BLK: variants seen among roughly 807,000 people sequenced by gnomAD.
BLK encodes the protein tyrosine-protein kinase Blk.
BLK carries 64 observed loss-of-function variants against 61.8 expected under a neutral mutation model. The observed-to-expected ratio is 1.03, with a 90% CI of 0.85 to 1.27. The LOEUF (loss-of-function observed/expected upper bound fraction) is 1.27, where lower values mean the gene tolerates loss of function less well. Ranked by LOEUF, BLK falls within the 50% of genes most tolerant of loss-of-function variation. The pLI, the probability that BLK is intolerant of heterozygous loss-of-function variation, is 0.00. For synonymous variants in BLK, 351 were observed against 272.0 expected, an observed-to-expected ratio of 1.29 and a Z score of -2.86; for missense variants, 853 against 660.5, an observed-to-expected ratio of 1.29 and a Z score of -3.19.
intron 1 of BLK, among the ~76,000 whole-genome samples, chr8:11,500,872 C>A (rs1316487774): frequency 6.6e-6 from 1 of 152,092 alleles, no homozygotes; most frequent in Admixed American, 6.5e-5. Flanking sequence ...TTATTCCTGC[C>A]ATTTCTGTGG....
intron 7 of BLK, 143 bp from the exon 8 acceptor site, chr8:11,555,189 G>A (rs1173600242): frequency 8.8e-7 from 1 of 1,142,434 alleles, no homozygotes; most frequent in East Asian, 2.4e-5. Context: ...TTGAGTGTGT[G>A]TGCATGTGCA....
chr8:11,560,469 G>C, intron 10 of BLK: 1 of 240,834 alleles, frequency 4.2e-6, no homozygotes, highest in Non-Finnish European at 8.2e-6. Flanking sequence ...AGGAGAAGTG[G>C]AATCAATTCT....
intron 1 of BLK, among the ~76,000 whole-genome samples, chr8:11,539,805 A>C (rs891945916): frequency 6.6e-6 from 1 of 152,204 alleles, no homozygotes; most frequent in African/African-American, 2.4e-5. Flanking sequence ...ATGAAACAAT[A>C]ATTATAACAA....
At chr8:11,537,032 T>C (rs1800161073) in intron 1 of BLK, among the ~76,000 whole-genome samples, 1 of 152,194 alleles carries the variant, frequency 6.6e-6, no homozygotes, top group South Asian at 2.1e-4. Flanking sequence ...GCTGAATGAA[T>C]AGAAGAACCT....
chr8:11,500,766 G>T (rs1205863484), intron 1 of BLK, among the ~76,000 whole-genome samples: 3 of 152,138 alleles, frequency 2.0e-5, no homozygotes, highest in African/African-American at 7.2e-5. Flanking sequence ...GCCTGCCTCA[G>T]CCTCCCAAAG....
At chr8:11,535,302 A>AAGAT (rs1413981377) in intron 1 of BLK, among the ~76,000 whole-genome samples, 1 of 146,686 alleles carries the variant, frequency 6.8e-6, no homozygotes, top group Non-Finnish European at 1.5e-5. Flanking sequence ...GAAAGAAAGA[A>AAGAT]AGAAAGAAAG....
chr8:11,516,017 T>C (rs1415930751), intron 1 of BLK, among the ~76,000 whole-genome samples: 1 of 152,266 alleles, frequency 6.6e-6, no homozygotes, highest in Middle Eastern at 3.4e-3. Flanking sequence ...GGAACAAAAG[T>C]TCATGCCCAG....
chr8:11,561,288 GC>G lies in BLK; in HGVS notation c.1030-12del. The G allele has an allele frequency of 1.2e-6, 2 of 1,611,654 alleles. No individual in the cohort carries two copies. The highest frequency in any genetic ancestry group is 1.7e-6 in the Non-Finnish European group (2 of 1,178,884). On this transcript the variant is annotated splice_polypyrimidine_tract_variant and intron_variant, in intron 10 of 12. Transcript: ENST00000259089. ...GCCCCCAGGCTGTCCTTCACCATGT[GC>G]CTGTTCCCTCAGATTGCTGAAGGGA...
chr8:11,515,358 G>C (rs1322907324), intron 1 of BLK, among the ~76,000 whole-genome samples: 1 of 152,146 alleles, frequency 6.6e-6, no homozygotes, highest in East Asian at 1.9e-4. Context: ...CGGCCTCCTG[G>C]GATGCTTTGA....
chr8:11,517,101 G>C (rs1170554676), intron 1 of BLK, among the ~76,000 whole-genome samples: 1 of 152,198 alleles, frequency 6.6e-6, no homozygotes, highest in African/African-American at 2.4e-5. Flanking sequence ...GTCACAGTGG[G>C]CTGCCTTTGG....
At chr8:11,515,580 C>G (rs1177593966) in intron 1 of BLK, among the ~76,000 whole-genome samples, 1 of 152,206 alleles carries the variant, frequency 6.6e-6, no homozygotes, top group Non-Finnish European at 1.5e-5. Flanking sequence ...GGATGCCTGC[C>G]TCTATTTCCC....
At chr8:11,528,021 G>T (rs1477745703) in intron 1 of BLK, among the ~76,000 whole-genome samples, 2 of 151,992 alleles carry the variant, frequency 1.3e-5, no homozygotes, top group African/African-American at 4.8e-5. Flanking sequence ...GGTTAGTTTT[G>T]GGGAGGGACT....
At chr8:11,539,068 T>C (rs1027345608) in intron 1 of BLK, among the ~76,000 whole-genome samples, 4 of 151,946 alleles carry the variant, frequency 2.6e-5, no homozygotes, top group African/African-American at 9.7e-5. Flanking sequence ...GTTTTTTAAG[T>C]CCGCTGGTTT....
intron 8 of BLK, 73 bp from the exon 9 acceptor site, chr8:11,556,585 G>C: frequency 6.3e-7 from 1 of 1,595,436 alleles, no homozygotes; most frequent in Non-Finnish European, 8.6e-7. Context: ...CACTTACCCC[G>C]ATTTTGGTTA....
intron 2 of BLK, among the ~76,000 whole-genome samples, chr8:11,544,499 T>C (rs73663159): frequency 0.042 from 6,463 of 152,282 alleles, 344 homozygotes; most frequent in African/African-American, 0.12. Flanking sequence ...TTAGCGCCAG[T>C]CTCAGCGCAC....
chr8:11,555,725 C>T (rs372042909), intron 8 of BLK: 27 of 622,608 alleles, frequency 4.3e-5, no homozygotes, highest in East Asian at 4.0e-4. Context: ...CACCCAGCCC[C>T]GAAGTCGCTC....
intron 10 of BLK, chr8:11,558,970 A>C (rs1329594596): frequency 2.2e-6 from 1 of 456,248 alleles, no homozygotes; most frequent in East Asian, 7.0e-5. Context: ...AGGTGGGCAG[A>C]CAGCCATCTG....
At chr8:11,557,129 G>T (rs886802114) in intron 9 of BLK, among the ~76,000 whole-genome samples, 2 of 152,148 alleles carry the variant, frequency 1.3e-5, no homozygotes, top group Non-Finnish European at 2.9e-5. Flanking sequence ...CTGCTGGGAG[G>T]GACAGAGCAT....
rs751751964 is a variant in BLK, at chr8:11,561,323, A to G, written c.1051A>G (p.Ile351Val). The change falls in exon 11 of 13, where the codon ATT (isoleucine) becomes GTT (valine). Residue 351 changes from isoleucine to valine, a missense_variant. Coordinates refer to ENST00000259089, the MANE Select transcript of BLK (RefSeq NM_001715.3). ...TCAGATTGCTGAAGGGATGGCATAC[A>G]TTGAGCGCATGAATTCCATCCACCG... ...SAQIAEGMAY[I>V]ERMNSIHRDL... 7 of 1,613,910 alleles carry G rather than the reference A, an allele frequency of 4.3e-6. No homozygotes were observed. In the Admixed American group the frequency reaches 1.0e-4, roughly 23 times the overall value.
Sources: allele counts gnomAD v4.1 joint callset (sites outside exome capture counted in the v4.1 genomes callset), GRCh38; gene constraint gnomAD v4.1.1; transcripts MANE v1.5; gene names NCBI Gene and HGNC (gene_info 2026-07-23, HGNC 2026-07-21).